The following SGIP1 variants were observed in gnomAD, a reference collection of about 807,000 sequenced individuals.
SGIP1 encodes the protein SH3-containing GRB2-like protein 3-interacting protein 1.
Under a neutral mutation model 107.5 loss-of-function variants are expected in SGIP1, and 38 were observed. The observed-to-expected ratio is 0.35, with a 90% CI of 0.27 to 0.46. SGIP1 has a LOEUF of 0.46. Among genes scored for constraint, SGIP1 ranks in the 20% least tolerant of loss-of-function variants. SGIP1 has a pLI of 1.00. For synonymous variants in SGIP1, 365 were observed against 366.1 expected (o/e 1.00, Z 0.03); for missense variants, 929 against 1,019.5 (o/e 0.91, Z 1.21).
intron 18 of SGIP1, among the ~76,000 whole-genome samples, chr1:66,706,380 T>C (rs1471323453): frequency 1.4e-5 from 2 of 146,554 alleles, no homozygotes; most frequent in Non-Finnish European, 3.0e-5. Flanking sequence ...TATATTTATA[T>C]ATTTATAATA....
rs895091802 is a variant in SGIP1 at position 66,739,335 on chromosome 1, G to T, written c.2032G>T (p.Val678Leu). The T allele has an allele frequency of 1.6e-5, 26 of 1,606,916 alleles. No individual in the cohort carries two copies. The highest frequency in any genetic ancestry group is 1.9e-5 in the Non-Finnish European group (23 of 1,179,808). Residue 678 changes from valine (V) to leucine (L), a missense_variant and splice_region_variant, in exon 22 of 25, where the codon GTG becomes TTG. Around this residue, in one of 2 missense-constraint regions of SGIP1, gnomAD observed 341 missense variants for 430.9 expected, o/e 0.79. Transcript: ENST00000371037. ...YYNVDMLKYQ[V>L]SAQGIQSTPL... Reference sequence around the variant, plus strand: ...ATTTTCTTTCCTGTCGTTCGGCAAGGTGTCTGCCCAGGGCATTCAGTCCAC... The same window carrying T: ...ATTTTCTTTCCTGTCGTTCGGCAAGTTGTCTGCCCAGGGCATTCAGTCCAC...
intron 1 of SGIP1, 109 bp downstream of exon 1, chr1:66,534,477 AATGT>A: frequency 7.9e-7 from 1 of 1,266,492 alleles, no homozygotes; most frequent in Non-Finnish European, 1.2e-6. Flanking sequence ...CCTGGTTGCC[AATGT>A]TTTGCAAGCA....
chr1:66,548,469 T>C (rs12023337), intron 1 of SGIP1, among the ~76,000 whole-genome samples: 47,526 of 151,938 alleles, frequency 0.31, 8,575 homozygotes, highest in East Asian at 0.8. Flanking sequence ...GTTCTGGCAT[T>C]AGGCTTTTTC....
chr1:66,542,454 A>G (rs1050690850), intron 1 of SGIP1, among the ~76,000 whole-genome samples: 1 of 152,146 alleles, frequency 6.6e-6, no homozygotes, highest in Non-Finnish European at 1.5e-5. Flanking sequence ...TGACGTATGC[A>G]TTGTGACACA....
intron 1 of SGIP1, chr1:66,590,420 C>T (rs1052555977): frequency 3.0e-4 from 45 of 152,076 alleles, no homozygotes; most frequent in African/African-American, 1.0e-3. Flanking sequence ...GGTGTGGATT[C>T]TGTATATCAG....
At chr1:66,724,059 A>C (rs963749101) in intron 19 of SGIP1, among the ~76,000 whole-genome samples, 1 of 152,214 alleles carries the variant, frequency 6.6e-6, no homozygotes, top group African/African-American at 2.4e-5. Context: ...AGCTACATCT[A>C]CACAGATGTA....
intron 15 of SGIP1, chr1:66,684,305 T>C (rs1385147103): frequency 7.1e-7 from 1 of 1,416,270 alleles, no homozygotes; most frequent in Non-Finnish European, 9.5e-7. Context: ...CACTGCACAG[T>C]GTCATCGACA....
chr1:66,713,866 C>T (rs181350653), intron 18 of SGIP1, among the ~76,000 whole-genome samples: 141 of 152,178 alleles, frequency 9.3e-4, no homozygotes, highest in African/African-American at 3.2e-3. Context: ...TAATAGCCAC[C>T]TATGTGATAT....
At chr1:66,641,259 G>T (rs946811214) in intron 5 of SGIP1, among the ~76,000 whole-genome samples, 1 of 152,138 alleles carries the variant, frequency 6.6e-6, no homozygotes, top group Non-Finnish European at 1.5e-5. Context: ...AAATTTAACC[G>T]TAGTAGTCAT....
chr1:66,671,098 A>G (rs1365331345), intron 10 of SGIP1, 79 bp downstream of exon 10: 2 of 659,700 alleles, frequency 3.0e-6, no homozygotes, highest in African/African-American at 1.8e-5. Flanking sequence ...GTATATGTAC[A>G]TATGAATTAT....
At chr1:66,596,854 T>C (rs1028694713) in intron 1 of SGIP1, among the ~76,000 whole-genome samples, 1 of 152,126 alleles carries the variant, frequency 6.6e-6, no homozygotes, top group African/African-American at 2.4e-5. Flanking sequence ...GAATTGCAAT[T>C]GCATCTATTT....
intron 1 of SGIP1, among the ~76,000 whole-genome samples, chr1:66,625,615 T>G (rs2072476171): frequency 6.6e-6 from 1 of 152,252 alleles, no homozygotes; most frequent in African/African-American, 2.4e-5. Context: ...CCATATATCC[T>G]TATGTTGCTT....
intron 12 of SGIP1, among the ~76,000 whole-genome samples, chr1:66,675,129 G>A (rs2084889804): frequency 6.6e-6 from 1 of 152,150 alleles, no homozygotes. Flanking sequence ...GATTTGATTT[G>A]TTGCACCTAC....
chr1:66,568,194 T>C (rs182792542), intron 1 of SGIP1, among the ~76,000 whole-genome samples: 351 of 152,300 alleles, frequency 2.3e-3, no homozygotes, highest in Non-Finnish European at 3.9e-3. Context: ...CAGTGGTTTG[T>C]AGTTCTCCCT....
intron 15 of SGIP1, among the ~76,000 whole-genome samples, chr1:66,684,944 C>A (rs753101094): frequency 2.6e-5 from 4 of 152,104 alleles, no homozygotes; most frequent in Non-Finnish European, 4.4e-5. Context: ...TGGATTTCTA[C>A]GTAGAAAATT....
chr1:66,557,072 A>G (rs567355022), intron 1 of SGIP1, among the ~76,000 whole-genome samples: 2 of 152,232 alleles, frequency 1.3e-5, no homozygotes, highest in South Asian at 4.1e-4. Flanking sequence ...GTGACTATGA[A>G]TCATCCACTT....
intron 21 of SGIP1, among the ~76,000 whole-genome samples, chr1:66,737,410 G>C (rs751145552): frequency 1.3e-5 from 2 of 152,082 alleles, no homozygotes; most frequent in Non-Finnish European, 2.9e-5. Context: ...GTGTAGGCAA[G>C]GGCTGCGCAC....
Position 66,743,247 on chromosome 1 carries a change from C to T in SGIP1, c.*152C>T. ...AATGACTTTCATCTGTGATTTCCCT[C>T]ACACACTACCATGATGACCAGTCCT... On this transcript the variant is annotated 3_prime_UTR_variant, in exon 25 of 25. Coordinates refer to ENST00000371037, the MANE Select transcript of SGIP1 (RefSeq NM_032291.4). 1 of 668,004 alleles carries T rather than the reference C, an allele frequency of 1.5e-6. No individual in the cohort carries two copies. Among genetic ancestry groups the T allele is most frequent in the Non-Finnish European group, 2.6e-6 (1 of 385,062 alleles). 41.4% of individuals were successfully genotyped at this position (668,004 alleles called of 1,614,324 possible).
intron 12 of SGIP1, 59 bp downstream of exon 12, chr1:66,673,425 C>G: frequency 1.4e-6 from 2 of 1,401,356 alleles, no homozygotes; most frequent in Non-Finnish European, 1.9e-6. Flanking sequence ...AAGTACAACT[C>G]TTCTAGATTA....
Sources: allele counts gnomAD v4.1 joint callset (sites outside exome capture counted in the v4.1 genomes callset), GRCh38; gene constraint gnomAD v4.1.1; regional missense constraint gnomAD v4.1.1; transcripts MANE v1.5; gene names NCBI Gene and HGNC (gene_info 2026-07-23, HGNC 2026-07-21).